The following GRIA4 variants were observed in gnomAD, a reference collection of about 807,000 sequenced individuals.
GRIA4 encodes the protein glutamate receptor 4.
In GRIA4, 34 loss-of-function variants were observed where a neutral mutation model predicts 104.0. The ratio of observed to expected loss-of-function variants is 0.33; its 90% CI spans 0.25 to 0.44. The LOEUF is 0.44. GRIA4 is among the 20% of genes least tolerant of loss of function. The pLI, the probability that GRIA4 is intolerant of heterozygous loss-of-function variation, is 1.00. For synonymous variants in GRIA4, 386 were observed against 381.9 expected, an observed-to-expected ratio of 1.01 and a Z score of -0.13; for missense variants, 750 against 1,096.5, an observed-to-expected ratio of 0.68 and a Z score of 4.46.
chr11:105,667,544 A>G (rs1445616), intron 3 of GRIA4, among the ~76,000 whole-genome samples: 147,907 of 152,112 alleles, frequency 0.97, 72,013 homozygotes, highest in Non-Finnish European at 1. Flanking sequence ...AGTTATCTCT[A>G]TGCCTCCCCA....
At chr11:105,808,522 A>T (rs1048262580) in intron 4 of GRIA4, among the ~76,000 whole-genome samples, 3 of 152,082 alleles carry the variant, frequency 2.0e-5, no homozygotes, top group Non-Finnish European at 4.4e-5. Context: ...AATGGTGATA[A>T]AGAAGTTGAG....
At chr11:105,960,490 T>C (rs1948711456) in intron 14 of GRIA4, among the ~76,000 whole-genome samples, 1 of 152,178 alleles carries the variant, frequency 6.6e-6, no homozygotes, top group East Asian at 1.9e-4. Flanking sequence ...CCTCCCTGGC[T>C]CCAGCAGGGG....
chr11:105,636,726 C>G (rs1268222064), intron 3 of GRIA4, among the ~76,000 whole-genome samples: 1 of 152,154 alleles, frequency 6.6e-6, no homozygotes, highest in African/African-American at 2.4e-5. Context: ...CTTATTTAAT[C>G]CATGAGCTGT....
chr11:105,612,583 A>C, intron 3 of GRIA4, 149 bp downstream of exon 3: 2 of 570,606 alleles, frequency 3.5e-6, no homozygotes, highest in Non-Finnish European at 5.9e-6. Context: ...TAAAAACAAG[A>C]CTTCGTTTCA....
chr11:105,861,991 C>T, intron 4 of GRIA4, 33 bp from the exon 5 acceptor site: 2 of 1,397,654 alleles, frequency 1.4e-6, no homozygotes, highest in Non-Finnish European at 2.0e-6. Context: ...GGAGTAAAAG[C>T]ATGTTTTTAG....
intron 4 of GRIA4, among the ~76,000 whole-genome samples, chr11:105,841,001 T>C (rs906245042): frequency 6.6e-6 from 1 of 152,204 alleles, no homozygotes; most frequent in Non-Finnish European, 1.5e-5. Context: ...TTAGCCTGTA[T>C]AGAAATGGCT....
chr11:105,703,644 T>A (rs879924346), intron 3 of GRIA4, among the ~76,000 whole-genome samples: 12 of 152,206 alleles, frequency 7.9e-5, no homozygotes, highest in Admixed American at 2.6e-4. Context: ...TGGATTTTTT[T>A]AAATTCACTT....
chr11:105,754,708 C>T (rs1269302162), intron 4 of GRIA4, among the ~76,000 whole-genome samples: 1 of 152,158 alleles, frequency 6.6e-6, no homozygotes, highest in Admixed American at 6.5e-5. Context: ...CTCATAGCAA[C>T]ATATTATATT....
At chr11:105,835,137 T>C (rs961973662) in intron 4 of GRIA4, among the ~76,000 whole-genome samples, 13 of 151,954 alleles carry the variant, frequency 8.6e-5, no homozygotes, top group Non-Finnish European at 1.6e-4. Flanking sequence ...TATTTCAATA[T>C]TTTATTTAAT....
chr11:105,656,063 T>C (rs981346725), intron 3 of GRIA4, among the ~76,000 whole-genome samples: 1 of 152,202 alleles, frequency 6.6e-6, no homozygotes, highest in Non-Finnish European at 1.5e-5. Flanking sequence ...TGGTTTTGAT[T>C]TGCATTTCTC....
At chr11:105,635,921 A>T (rs1240812194) in intron 3 of GRIA4, among the ~76,000 whole-genome samples, 6 of 152,240 alleles carry the variant, frequency 3.9e-5, no homozygotes, top group African/African-American at 1.4e-4. Flanking sequence ...CTTATAGAAG[A>T]TAATCTCTGT....
intron 15 of GRIA4, 26 bp downstream of exon 15, chr11:105,972,054 C>G (rs1422323029): frequency 7.2e-7 from 1 of 1,383,258 alleles, no homozygotes; most frequent in Non-Finnish European, 1.0e-6. Context: ...TCGGGGCCTC[C>G]TCTTGTGTTC....
chr11:105,624,584 T>C (rs1274364603), intron 3 of GRIA4, among the ~76,000 whole-genome samples: 3 of 152,130 alleles, frequency 2.0e-5, no homozygotes, highest in African/African-American at 7.2e-5. Flanking sequence ...CCCTCCTTAT[T>C]TGAAATTAGG....
chr11:105,813,333 G>A (rs1366127643), intron 4 of GRIA4, among the ~76,000 whole-genome samples: 2 of 152,072 alleles, frequency 1.3e-5, no homozygotes, highest in Non-Finnish European at 2.9e-5. Context: ...CCATTAATTT[G>A]TTTCATATTT....
chr11:105,886,871 G>C (rs1233117718), intron 5 of GRIA4, among the ~76,000 whole-genome samples: 4 of 149,406 alleles, frequency 2.7e-5, no homozygotes, highest in Non-Finnish European at 5.9e-5. Context: ...AGATGTTTGA[G>C]TTTCTAATTT....
intron 8 of GRIA4, 25 bp downstream of exon 8, chr11:105,904,006 C>G: frequency 6.7e-7 from 1 of 1,487,998 alleles, no homozygotes; most frequent in Non-Finnish European, 9.3e-7. Context: ...TATTTAAGTT[C>G]AATTCATTTC....
In GRIA4 at chr11:105,647,632, T is replaced by C. The variant is rs1054050045; in HGVS notation, c.247+35198T>C. Reference sequence around the variant, plus strand: ...ACAGCCATAAGAAAGAACGAGATCATGTCCTTTGCAAGGACATGGATGGAG... The same window carrying C: ...ACAGCCATAAGAAAGAACGAGATCACGTCCTTTGCAAGGACATGGATGGAG... On this transcript the variant is annotated intron_variant, in intron 3 of 16. Coordinates refer to ENST00000282499, the MANE Select transcript of GRIA4 (RefSeq NM_000829.4). Among the ~76,000 whole-genome samples the C allele has an allele frequency of 2.0e-5, 3 of 152,166 alleles. No homozygotes were observed. The East Asian group carries it at 5.8e-4, about 29-fold the overall frequency.
intron 4 of GRIA4, among the ~76,000 whole-genome samples, chr11:105,842,000 T>C (rs144132749): frequency 1.3e-5 from 2 of 152,208 alleles, no homozygotes; most frequent in Admixed American, 1.3e-4. Flanking sequence ...TTTAATTTTT[T>C]AAATTTACTT....
intron 3 of GRIA4, among the ~76,000 whole-genome samples, chr11:105,685,429 C>T (rs541123635): frequency 4.1e-4 from 62 of 152,176 alleles, no homozygotes; most frequent in Non-Finnish European, 7.9e-4. Flanking sequence ...GGCTCTGTGA[C>T]AGCATCAAAT....
Sources: gnomAD v4.1 joint callset for allele counts (sites outside exome capture counted in the v4.1 genomes callset) on GRCh38, gnomAD v4.1.1 for gene constraint, MANE v1.5 for transcripts, NCBI Gene and HGNC (gene_info 2026-07-23, HGNC 2026-07-21) for gene names.